The following RANBP2 variants were observed in gnomAD, a reference collection of about 807,000 sequenced individuals.
RANBP2 encodes RAN binding protein 2, also known as E3 SUMO-protein ligase RanBP2.
RANBP2 carries 57 observed loss-of-function variants against 303.6 expected under a neutral mutation model. That is an observed-to-expected ratio of 0.19 (90% CI 0.15 to 0.23). The LOEUF is 0.23. Among genes scored for constraint, RANBP2 ranks in the 10% least tolerant of loss-of-function variants. RANBP2 has a pLI of 1.00. For missense variants in RANBP2, 3,138 were observed against 3,780.8 expected, an observed-to-expected ratio of 0.83 and a Z score of 4.46; for synonymous variants, 1,167 against 1,301.5, an observed-to-expected ratio of 0.90 and a Z score of 2.23.
At chr2:109,155,015 G>T in the RANBP2 span, among the ~76,000 whole-genome samples, 1 of 152,182 alleles carries the variant, frequency 6.6e-6, no homozygotes, top group South Asian at 2.1e-4. Flanking sequence ...TTTTCTGTTG[G>T]GTTCATAAAA....
At chr2:109,504,301 A>G in the RANBP2 span, 1 of 152,242 alleles carries the variant, frequency 6.6e-6, no homozygotes, top group African/African-American at 2.4e-5. Flanking sequence ...AGCATGGTAG[A>G]GTCCACAGCC....
chr2:109,233,277 G>A, the RANBP2 span, among the ~76,000 whole-genome samples: 42 of 152,268 alleles, frequency 2.8e-4, no homozygotes, highest in South Asian at 8.3e-3. Flanking sequence ...TGAATGCAGA[G>A]GTTGTATTGA....
the RANBP2 span, among the ~76,000 whole-genome samples, chr2:109,447,147 T>TA: frequency 0.047 from 3,875 of 82,530 alleles, 82 homozygotes; most frequent in African/African-American, 0.066. Flanking sequence ...CCTGAATATT[T>TA]AAAAAAAAAA....
chr2:109,088,611 G>A, the RANBP2 span, among the ~76,000 whole-genome samples: 28 of 152,046 alleles, frequency 1.8e-4, no homozygotes, highest in Middle Eastern at 3.4e-3. Context: ...GGTTCAAGGC[G>A]TGAGGTTCTC....
chr2:108,925,021 G>A, the RANBP2 span, among the ~76,000 whole-genome samples: 6 of 152,130 alleles, frequency 3.9e-5, no homozygotes, highest in African/African-American at 7.2e-5. Flanking sequence ...TCACTTCCTC[G>A]CCCTTGCCTC....
chr2:108,751,744 A>G (rs1186466441), intron 11 of RANBP2, 41 bp downstream of exon 11: 5 of 1,611,614 alleles, frequency 3.1e-6, no homozygotes, highest in African/African-American at 1.3e-5. Flanking sequence ...CTTAGTGCGT[A>G]GGTTTTACCG....
intron 2 of RANBP2, 123 bp from the exon 3 acceptor site, chr2:108,730,651 G>A: frequency 1.5e-6 from 2 of 1,323,478 alleles, no homozygotes; most frequent in Non-Finnish European, 1.1e-6. Context: ...ATGAATAGCG[G>A]TAGTTTTGAG....
chr2:108,927,115 C>T, the RANBP2 span, among the ~76,000 whole-genome samples: 19 of 152,310 alleles, frequency 1.2e-4, 1 homozygote, highest in East Asian at 3.7e-3. Flanking sequence ...ATCATGGAGC[C>T]AACCTGGAAA....
rs1490714824 is a variant in RANBP2, at chr2:108,766,665, A to G, written c.6126A>G (p.Leu2042=). 2 of 1,611,910 alleles carry G rather than the reference A, an allele frequency of 1.2e-6. No individual in the cohort carries two copies. Among genetic ancestry groups the G allele is most frequent in the African/African-American group, 1.3e-5 (1 of 74,860 alleles). Residue 2042 remains leucine, a synonymous_variant, in exon 20 of 29, where the codon CTA becomes CTG. Transcript: ENST00000283195. ...TTCTGTATTCACAGCGGGTAAAACT[A>G]TTTAGATTTGATGCTGAGGTAAGTC... ...EKVLYSQRVK[L]FRFDAEVSQW...
chr2:108,783,333 T>TAAAAAAAAAA (rs71381992), intron 28 of RANBP2, among the ~76,000 whole-genome samples: 1 of 41,452 alleles, frequency 2.4e-5, no homozygotes, highest in Non-Finnish European at 4.3e-5. Flanking sequence ...AGCCTGTCAT[T>TAAAAAAAAAA]AAAAAAAAAA....
Position 108,765,377 on chromosome 2 carries a change from G to A in RANBP2, c.4838G>A (p.Ser1613Asn), listed in dbSNP as rs1343562196. The change falls in exon 20 of 29, where the codon AGT becomes AAT. Residue 1613 changes from serine to asparagine, a missense_variant. Physicochemically the swap from Ser to Asn is conservative, Grantham distance 46. Around this residue, in one of 20 missense-constraint regions of RANBP2, gnomAD observed 28 missense variants for 43.2 expected, o/e 0.65. Coordinates refer to ENST00000283195, the MANE Select transcript of RANBP2 (RefSeq NM_006267.5). The part of the protein sequence containing the change: ...FTKKEGQWDC[S>N]VCLVRNEASA... ...AAGAAGGAGGGACAGTGGGATTGCA[G>A]TGTGTGCTTAGTAAGAAATGAAGCC... The A allele has an allele frequency of 8.2e-7, 1 of 1,225,514 alleles. No homozygotes were observed. The highest frequency in any genetic ancestry group is 1.2e-5 in the South Asian group (1 of 82,914). 75.9% of individuals were successfully genotyped at this position (1,225,514 alleles called of 1,614,324 possible).
chr2:109,529,404 G>A, the RANBP2 span, among the ~76,000 whole-genome samples: 1 of 152,312 alleles, frequency 6.6e-6, no homozygotes, highest in East Asian at 1.9e-4. Context: ...ATGGGACCTC[G>A]AGGGAGAGCC....
At chr2:109,059,788 C>A in the RANBP2 span, among the ~76,000 whole-genome samples, 1 of 151,872 alleles carries the variant, frequency 6.6e-6, no homozygotes, top group African/African-American at 2.4e-5. Flanking sequence ...TCCTGGGATG[C>A]AGTCAGGCCC....
At chr2:109,098,243 T>G in the RANBP2 span, among the ~76,000 whole-genome samples, 1 of 152,196 alleles carries the variant, frequency 6.6e-6, no homozygotes. Flanking sequence ...AGGCCACTGT[T>G]TTGAACTAAA....
chr2:108,811,245 C>CTTTTTTTTTT, the RANBP2 span, among the ~76,000 whole-genome samples: 101 of 109,602 alleles, frequency 9.2e-4, 19 homozygotes, highest in African/African-American at 2.0e-3. Context: ...CTTTCTCTCT[C>CTTTTTTTTTT]TCTTTTTTTT....
the RANBP2 span, among the ~76,000 whole-genome samples, chr2:108,854,353 T>A: frequency 6.6e-6 from 1 of 151,784 alleles, no homozygotes; most frequent in Admixed American, 6.6e-5. Flanking sequence ...GGTTTGAATC[T>A]TAGCTTCACT....
the RANBP2 span, among the ~76,000 whole-genome samples, chr2:109,549,973 C>G: frequency 6.6e-6 from 1 of 152,136 alleles, no homozygotes; most frequent in Non-Finnish European, 1.5e-5. Context: ...AATGCTGTAT[C>G]TTTTGTAAAC....
the RANBP2 span, among the ~76,000 whole-genome samples, chr2:109,525,533 C>T: frequency 6.6e-6 from 1 of 152,192 alleles, no homozygotes; most frequent in African/African-American, 2.4e-5. Flanking sequence ...CGAGCTGACG[C>T]CAACCACAAA....
At chr2:109,617,240 C>T in the RANBP2 span, 4 of 166,782 alleles carry the variant, frequency 2.4e-5, no homozygotes, top group Non-Finnish European at 1.5e-5. Context: ...CCTGTAGTTA[C>T]TGAAAATCTG....
Sources: gnomAD v4.1 joint callset for allele counts (sites outside exome capture counted in the v4.1 genomes callset) on GRCh38, gnomAD v4.1.1 for gene constraint, gnomAD v4.1.1 regional missense constraint, MANE v1.5 for transcripts, NCBI Gene and HGNC (gene_info 2026-07-23, HGNC 2026-07-21) for gene names.